The following ZNF354B variants were observed in gnomAD, a reference collection of about 807,000 sequenced individuals.
ZNF354B encodes zinc finger protein 354B.
ZNF354B carries 10 observed loss-of-function variants against 12.9 expected under a neutral mutation model. The ratio of observed to expected loss-of-function variants is 0.77; its 90% CI spans 0.48 to 1.31. The LOEUF (loss-of-function observed/expected upper bound fraction) is 1.31, where lower values mean the gene tolerates loss of function less well. Among genes scored for constraint, ZNF354B ranks in the 40% most tolerant of loss-of-function variants. ZNF354B has a pLI of 0.00. For missense variants in ZNF354B, 614 were observed against 711.7 expected (o/e 0.86, Z 1.56); for synonymous variants, 260 against 243.7 (o/e 1.07, Z -0.62).
intron 2 of ZNF354B, among the ~76,000 whole-genome samples, chr5:178,862,603 C>T (rs926381405): frequency 2.6e-5 from 4 of 152,166 alleles, no homozygotes; most frequent in East Asian, 1.9e-4. Flanking sequence ...CTCCTGACCT[C>T]GTGATCCACC....
At chr5:178,871,434 G>A (rs987602290) in intron 4 of ZNF354B, among the ~76,000 whole-genome samples, 2 of 152,296 alleles carry the variant, frequency 1.3e-5, no homozygotes, top group South Asian at 2.1e-4. Context: ...CATCTGACAC[G>A]CAGCCCTGCA....
intron 1 of ZNF354B, chr5:178,860,586 G>A (rs1343858223): frequency 2.1e-5 from 4 of 186,674 alleles, no homozygotes; most frequent in Non-Finnish European, 4.5e-5. Flanking sequence ...GGCTTGAGGC[G>A]GAGGGAAGTC....
intron 2 of ZNF354B, among the ~76,000 whole-genome samples, chr5:178,863,968 ATAAG>A (rs1279457995): frequency 6.6e-6 from 1 of 152,274 alleles, no homozygotes; most frequent in Non-Finnish European, 1.5e-5. Context: ...TGTGTTTAAG[ATAAG>A]TGTTACTACA....
rs375386841 is a variant in ZNF354B at position 178,883,787 on chromosome 5, A to G, written c.1335A>G (p.Lys445=). The G allele has an allele frequency of 1.5e-4, 238 of 1,614,048 alleles. No homozygotes were observed. The highest frequency in any genetic ancestry group is 1.9e-4 in the Non-Finnish European group (222 of 1,180,014). Residue 445 remains lysine, a synonymous_variant, in exon 5 of 5, where the codon AAA becomes AAG. Coordinates refer to ENST00000322434, the MANE Select transcript of ZNF354B (RefSeq NM_058230.3). ...EKLYNCNECG[K]ALSSHSTLII... ...TGTATAATTGTAATGAATGTGGTAAAGCCTTAAGCTCCCACTCAACACTTA... is the reference window on the plus strand; with the variant it reads ...TGTATAATTGTAATGAATGTGGTAAGGCCTTAAGCTCCCACTCAACACTTA...
In ZNF354B at chr5:178,868,137, A is replaced by G. The variant is rs536032531; in HGVS notation, c.256+1066A>G. On this transcript the variant is annotated intron_variant, in intron 4 of 4. Transcript: ENST00000322434. The stretch of plus-strand genomic sequence containing the variant: ...CACTTGAGATGTGAGTGAAGTCGTC[A>G]GGTGGGGAACCCTGGTGGGCAGGTG... Among the ~76,000 whole-genome samples the G allele has an allele frequency of 2.0e-5, 3 of 151,652 alleles. No homozygotes were observed. In the South Asian group the frequency reaches 6.2e-4, roughly 32 times the overall value.
Position 178,884,610 on chromosome 5 carries a change from G to C in ZNF354B, c.*319G>C, listed in dbSNP as rs916048272. ...TGCTGAGGTGCTGAATTTTTCATTA[G>C]AAAAACATTTGTATAAACTACTATT... On this transcript the variant is annotated 3_prime_UTR_variant, in exon 5 of 5. Transcript: ENST00000322434. 2 of 197,910 alleles carry C rather than the reference G, an allele frequency of 1.0e-5. No individual in the cohort carries two copies. Among genetic ancestry groups the C allele is most frequent in the Non-Finnish European group, 2.0e-5 (2 of 98,854 alleles). The allele number at this position is 197,910 out of a possible 1,614,324, so 12.3% of individuals were successfully genotyped here. A position where few individuals can be genotyped will look rare whatever the true frequency, so the allele number is the denominator to read the frequency against.
rs1416281835 is a variant in ZNF354B, at chr5:178,884,712, T to C, written c.*421T>C. 6.4e-6 allele frequency: 1 copy of C among 155,272 alleles called. No homozygotes were observed. Among genetic ancestry groups the C allele is most frequent in the Non-Finnish European group, 1.4e-5 (1 of 70,240 alleles). 9.6% of individuals were successfully genotyped at this position (155,272 alleles called of 1,614,324 possible). On this transcript the variant is annotated 3_prime_UTR_variant, in exon 5 of 5. Coordinates refer to ENST00000322434, the MANE Select transcript of ZNF354B (RefSeq NM_058230.3). Reference sequence around the variant, plus strand: ...CAATTGATCTTAAAAATATATGCAATATATACTTACCTGGCAGGGAAGATT... The same window carrying C: ...CAATTGATCTTAAAAATATATGCAACATATACTTACCTGGCAGGGAAGATT...
intron 4 of ZNF354B, among the ~76,000 whole-genome samples, chr5:178,878,736 CTT>C (rs994916829): frequency 3.3e-5 from 5 of 152,058 alleles, no homozygotes; most frequent in African/African-American, 1.2e-4. Flanking sequence ...GAGTTTTGCT[CTT>C]GTTACCCAGG....
intron 4 of ZNF354B, among the ~76,000 whole-genome samples, chr5:178,874,655 AC>A (rs1296311618): frequency 1.3e-5 from 2 of 152,076 alleles, no homozygotes; most frequent in African/African-American, 4.8e-5. Flanking sequence ...TGTAATCCTT[AC>A]ATTCCTTGGA....
In ZNF354B at chr5:178,883,273, A is replaced by G; in HGVS notation, c.821A>G (p.Glu274Gly). ...HTGEKPYICKECGKAFSHSAS... is the reference protein window; with the variant it reads ...HTGEKPYICKGCGKAFSHSAS... ...GGAGAGAAACCCTATATATGTAAAG[A>G]ATGTGGGAAAGCCTTCAGCCATAGT... Residue 274 changes from glutamate to glycine, a missense_variant, in exon 5 of 5, where the codon GAA (glutamate) becomes GGA (glycine). By Grantham distance (98) the Glu-to-Gly change is moderately conservative. Transcript: ENST00000322434. The G allele has an allele frequency of 6.2e-7, 1 of 1,613,350 alleles. No individual in the cohort carries two copies. Among genetic ancestry groups the G allele is most frequent in the South Asian group, 1.1e-5 (1 of 90,804 alleles).
At chr5:178,879,879 G>T (rs1244853568) in intron 4 of ZNF354B, among the ~76,000 whole-genome samples, 2 of 152,176 alleles carry the variant, frequency 1.3e-5, no homozygotes, top group East Asian at 3.9e-4. Flanking sequence ...TGTAATCCCA[G>T]CACTTTGAGA....
At chr5:178,860,342 C>G (rs1490010751) in intron 1 of ZNF354B, among the ~76,000 whole-genome samples, 4 of 140,964 alleles carry the variant, frequency 2.8e-5, no homozygotes, top group Non-Finnish European at 6.5e-5. Flanking sequence ...GCCGTGAACG[C>G]GGGGCCAGGC....
chr5:178,873,979 T>A (rs923530456), intron 4 of ZNF354B, among the ~76,000 whole-genome samples: 12 of 149,004 alleles, frequency 8.1e-5, no homozygotes, highest in Non-Finnish European at 1.8e-4. Flanking sequence ...AGATGGAGTC[T>A]CACACACTCT....
chr5:178,874,412 T>G (rs1162742174), intron 4 of ZNF354B, among the ~76,000 whole-genome samples: 1 of 152,244 alleles, frequency 6.6e-6, no homozygotes, highest in Non-Finnish European at 1.5e-5. Flanking sequence ...ACATAATCCC[T>G]TATTTCTCAG....
chr5:178,883,408 T>TC lies in ZNF354B; in HGVS notation c.958dup (p.His320ProfsTer8). 1 of 1,613,992 alleles carries TC rather than the reference T, an allele frequency of 6.2e-7. No individual in the cohort carries two copies. The highest frequency in any genetic ancestry group is 8.5e-7 in the Non-Finnish European group (1 of 1,179,942). ...TCTGGGCTTTTTATACATCAAAAAA[T>TC]CCATGCTCAAGAAAATCCCCATAAA... is the stretch of plus-strand genomic sequence containing the variant. On this transcript the variant is annotated frameshift_variant, in exon 5 of 5. Coordinates refer to ENST00000322434, the MANE Select transcript of ZNF354B (RefSeq NM_058230.3). LOFTEE classifies it low-confidence loss of function (END_TRUNC).
At chr5:178,871,351 G>A (rs76295216) in intron 4 of ZNF354B, among the ~76,000 whole-genome samples, 22,535 of 152,086 alleles carry the variant, frequency 0.15, 2,034 homozygotes, top group African/African-American at 0.25. Context: ...ACTGTTCTTC[G>A]TGGCAGTCAT....
In ZNF354B at chr5:178,866,328, C is replaced by A. The variant is rs764613186; in HGVS notation, c.118C>A (p.Arg40=). ...GGCTCCTTCTCAGAGAAACTTGTACCGGGATGTGATGCTGGAGAACTATAG... is the reference window on the plus strand; with the variant it reads ...GGCTCCTTCTCAGAGAAACTTGTACAGGGATGTGATGCTGGAGAACTATAG... ...KLAPSQRNLY[R]DVMLENYRNL... Residue 40 remains arginine (R), a synonymous_variant, in exon 3 of 5, where the codon CGG becomes AGG. Transcript: ENST00000322434. 1.9e-6 allele frequency: 3 copies of A among 1,613,924 alleles called. No homozygotes were observed. Among genetic ancestry groups the A allele is most frequent in the Non-Finnish European group, 2.5e-6 (3 of 1,179,908 alleles).
intron 4 of ZNF354B, among the ~76,000 whole-genome samples, chr5:178,878,540 CTCGGTGCCCATT>C (rs1004387732): frequency 2.0e-5 from 3 of 152,186 alleles, no homozygotes; most frequent in African/African-American, 7.2e-5. Flanking sequence ...GGCACTTAAC[CTCGGTGCCCATT>C]TAGGTCTCTT....
Position 178,877,833 on chromosome 5 carries a change from T to C in ZNF354B, c.257-4876T>C, listed in dbSNP as rs117866602. Among the ~76,000 whole-genome samples, 10 of 152,330 alleles carry C rather than the reference T, an allele frequency of 6.6e-5. No individual in the cohort carries two copies. The East Asian group carries it at 1.9e-3, about 29-fold the overall frequency. ...CCCCTAGAAGCTACAAGCCTTCATA[T>C]AGTTTCCAGAGTTTCAAAATAGTTG... On this transcript the variant is annotated intron_variant, in intron 4 of 4. Transcript: ENST00000322434.
Sources: gnomAD v4.1 joint callset for allele counts (sites outside exome capture counted in the v4.1 genomes callset) on GRCh38, gnomAD v4.1.1 for gene constraint, MANE v1.5 for transcripts, NCBI Gene and HGNC (gene_info 2026-07-23, HGNC 2026-07-21) for gene names.